AFAP1L2: variants seen among roughly 807,000 people sequenced by gnomAD.
AFAP1L2 encodes the protein actin filament-associated protein 1-like 2.
AFAP1L2 carries 46 observed loss-of-function variants against 99.3 expected under a neutral mutation model. That is an observed-to-expected ratio of 0.46 (90% CI 0.37 to 0.59). AFAP1L2 has a LOEUF of 0.59. Ranked by LOEUF, AFAP1L2 falls within the 20% of genes least tolerant of loss-of-function variation. AFAP1L2 has a pLI of 0.00. For missense variants in AFAP1L2, 959 were observed against 1,034.9 expected (o/e 0.93, Z 1.01); for synonymous variants, 397 against 419.1 (o/e 0.95, Z 0.64).
At chr10:114,388,473 A>G (rs2056780549) in intron 1 of AFAP1L2, among the ~76,000 whole-genome samples, 1 of 152,048 alleles carries the variant, frequency 6.6e-6, no homozygotes, top group Non-Finnish European at 1.5e-5. Context: ...TACTCCCACA[A>G]CATCCTGCTT....
At position 114,315,674 on chromosome 10, in the gene AFAP1L2, C is replaced by T. The variant is rs527458662; in HGVS notation, c.498G>A (p.Pro166=). 24 of 1,613,832 alleles carry T rather than the reference C, an allele frequency of 1.5e-5. No individual in the cohort carries two copies. The highest frequency in any genetic ancestry group is 8.9e-5 in the East Asian group (4 of 44,882). Residue 166 remains proline (P), a synonymous_variant, in exon 6 of 19, where the codon CCG becomes CCA. Transcript: ENST00000304129. ...CACGCATCAGCTCGATGCCGGCCTC[C>T]GGCGAGGGCCACTGGTAAGGGGCCG... The part of the protein sequence containing the change: ...GKSAPYQWPS[P]EAGIELMRDA...
chr10:114,336,439 G>A (rs2047984609), intron 2 of AFAP1L2, among the ~76,000 whole-genome samples: 1 of 152,246 alleles, frequency 6.6e-6, no homozygotes, highest in Non-Finnish European at 1.5e-5. Context: ...CTCTGCCTTT[G>A]TGAACCCCAC....
Position 114,352,623 on chromosome 10 carries a change from T to A in AFAP1L2, c.17-11892A>T, listed in dbSNP as rs377142491. Among the ~76,000 whole-genome samples the A allele has an allele frequency of 4.5e-4, 69 of 151,732 alleles. 1 individual carries two copies. The highest frequency in any genetic ancestry group is 1.6e-3 in the African/African-American group (68 of 41,366). On this transcript the variant is annotated intron_variant, in intron 1 of 18. Transcript: ENST00000304129. The stretch of plus-strand genomic sequence containing the variant: ...GCAGGAAACCACCTTCATAGAAACA[T>A]ACAGTACTGAGAATGAACGAGTGAA...
At chr10:114,284,800 G>A in the AFAP1L2 span, 1 of 1,492,306 alleles carries the variant, frequency 6.7e-7, no homozygotes, top group Non-Finnish European at 9.0e-7. Context: ...CCACACCTCT[G>A]GCCAGTCCTC....
In AFAP1L2 at chr10:114,362,932, T is replaced by C. The variant is rs567653023; in HGVS notation, c.17-22201A>G. The C allele has an allele frequency of 7.3e-4, 715 of 983,718 alleles. 5 individuals are homozygous for C. In the African/African-American group the frequency reaches 0.012, roughly 16 times the overall value. 60.9% of individuals were successfully genotyped at this position (983,718 alleles called of 1,614,324 possible). A position where few individuals can be genotyped will look rare whatever the true frequency, so the allele number is the denominator to read the frequency against. Reference sequence around the variant, plus strand: ...GCCCTCCATCTGTGCCATAGATAATTATGAATAACACTCACGAAAAGCTGA... The same window carrying C: ...GCCCTCCATCTGTGCCATAGATAATCATGAATAACACTCACGAAAAGCTGA... On this transcript the variant is annotated intron_variant, in intron 1 of 18. Coordinates refer to ENST00000304129, the MANE Select transcript of AFAP1L2 (RefSeq NM_001001936.3).
chr10:114,287,281 C>T, the AFAP1L2 span, among the ~76,000 whole-genome samples: 37,948 of 152,006 alleles, frequency 0.25, 5,015 homozygotes, highest in African/African-American at 0.33. Context: ...CCTGGGCTCA[C>T]GTGATCCTTC....
intron 1 of AFAP1L2, among the ~76,000 whole-genome samples, chr10:114,360,521 A>ATAGATAGATAGATAGT (rs1457898735): frequency 5.5e-5 from 8 of 145,902 alleles, no homozygotes; most frequent in Non-Finnish European, 8.9e-5. Context: ...AGATAGATAG[A>ATAGATAGATAGATAGT]TAGATAGATA....
intron 13 of AFAP1L2, among the ~76,000 whole-genome samples, 197 bp downstream of exon 13, chr10:114,301,157 G>A (rs2041105356): frequency 6.6e-6 from 1 of 152,222 alleles, no homozygotes; most frequent in Admixed American, 6.5e-5. Flanking sequence ...AAGTCCCCAA[G>A]CCAAGCAAAC....
intron 1 of AFAP1L2, among the ~76,000 whole-genome samples, chr10:114,393,948 C>A (rs898734361): frequency 2.6e-5 from 4 of 152,256 alleles, no homozygotes; most frequent in Non-Finnish European, 5.9e-5. Flanking sequence ...TGGGAGGACA[C>A]CAGTCCCTCC....
intron 1 of AFAP1L2, among the ~76,000 whole-genome samples, chr10:114,368,331 T>C (rs2053582535): frequency 1.3e-5 from 2 of 152,154 alleles, no homozygotes; most frequent in South Asian, 4.1e-4. Flanking sequence ...AAGTTTCAGT[T>C]ATAAGATGGA....
At chr10:114,289,838 G>T, downstream of AFAP1L2, 1 of 371,800 alleles carries the variant, frequency 2.7e-6, no homozygotes, top group Non-Finnish European at 5.0e-6. Flanking sequence ...AGAGCCCAGA[G>T]CAAACAGGGC....
At chr10:114,309,343 G>C (rs1259723133) in intron 8 of AFAP1L2, among the ~76,000 whole-genome samples, 1 of 152,226 alleles carries the variant, frequency 6.6e-6, no homozygotes, top group East Asian at 1.9e-4. Context: ...AATCTGGAAG[G>C]ACTGTGGGCT....
chr10:114,290,952 C>T (rs937570285), downstream of AFAP1L2, among the ~76,000 whole-genome samples: 6 of 152,254 alleles, frequency 3.9e-5, no homozygotes, highest in African/African-American at 1.4e-4. Context: ...GGCTCCTGTT[C>T]ATGAGTTTGA....
At chr10:114,402,644 TG>T (rs796740041) in intron 1 of AFAP1L2, among the ~76,000 whole-genome samples, 4 of 152,224 alleles carry the variant, frequency 2.6e-5, no homozygotes, top group African/African-American at 7.2e-5. Flanking sequence ...TCTTCGAGGG[TG>T]GGAGGATTTT....
At chr10:114,290,513 G>A, downstream of AFAP1L2, 1 of 1,106,256 alleles carries the variant, frequency 9.0e-7, no homozygotes, top group South Asian at 1.5e-5. Flanking sequence ...CATTTAGTGA[G>A]TACCTCCTGC....
At chr10:114,371,523 C>G (rs183879327) in intron 1 of AFAP1L2, among the ~76,000 whole-genome samples, 12 of 152,150 alleles carry the variant, frequency 7.9e-5, no homozygotes, top group Admixed American at 5.9e-4. Flanking sequence ...TTTACTTTTT[C>G]TTTTTTTAAA....
intron 1 of AFAP1L2, among the ~76,000 whole-genome samples, chr10:114,346,826 C>T (rs1041760191): frequency 2.6e-5 from 4 of 152,220 alleles, no homozygotes; most frequent in Non-Finnish European, 4.4e-5. Flanking sequence ...CAGGGCTGGG[C>T]GGTTCAACTG....
chr10:114,307,091 T>C (rs1230239762), intron 10 of AFAP1L2, among the ~76,000 whole-genome samples: 1 of 152,136 alleles, frequency 6.6e-6, no homozygotes, highest in African/African-American at 2.4e-5. Flanking sequence ...CACCCCAAGA[T>C]ATTTCCCAAG....
chr10:114,346,657 C>T (rs1190649450), intron 1 of AFAP1L2, among the ~76,000 whole-genome samples: 1 of 152,238 alleles, frequency 6.6e-6, no homozygotes, highest in Non-Finnish European at 1.5e-5. Context: ...TCATTTCGGT[C>T]TCTTCCTCGT....
Sources: allele counts gnomAD v4.1 joint callset (sites outside exome capture counted in the v4.1 genomes callset), GRCh38; gene constraint gnomAD v4.1.1; transcripts MANE v1.5; gene names NCBI Gene and HGNC (gene_info 2026-07-23, HGNC 2026-07-21).